Variants in NDUFA2 observed in about 807,000 individuals in gnomAD.
NDUFA2 encodes the protein NADH dehydrogenase [ubiquinone] 1 alpha subcomplex subunit 2.
In NDUFA2, 9 loss-of-function variants were observed where a neutral mutation model predicts 11.4. That is an observed-to-expected ratio of 0.79 (90% confidence interval 0.48 to 1.38). The LOEUF (loss-of-function observed/expected upper bound fraction) is 1.38, where lower values mean the gene tolerates loss of function less well. Ranked by LOEUF, NDUFA2 falls within the 40% of genes most tolerant of loss-of-function variation. NDUFA2 has a pLI of 0.00. For missense variants in NDUFA2, 150 were observed against 131.2 expected (o/e 1.14, Z -0.70); for synonymous variants, 49 against 54.0 (o/e 0.91, Z 0.41).
At chr5:140,646,564 C>T (rs1358668803) in intron 2 of NDUFA2, among the ~76,000 whole-genome samples, 1 of 152,144 alleles carries the variant, frequency 6.6e-6, no homozygotes, top group Non-Finnish European at 1.5e-5. Context: ...TAGTTAAAAG[C>T]TGTGATTAAA....
chr5:140,647,603 G>A lies in NDUFA2; in HGVS notation c.-20C>T. 2.5e-6 allele frequency: 4 copies of A among 1,606,066 alleles called. No individual in the cohort carries two copies. Among genetic ancestry groups the A allele is most frequent in the Non-Finnish European group, 3.4e-6 (4 of 1,179,012 alleles). Reference sequence around the variant, plus strand: ...CGCCATCCTTGTTAATATCGAAGTCGCCAATTCCAGGTCTTCAGGCCAAGT... The same window carrying A: ...CGCCATCCTTGTTAATATCGAAGTCACCAATTCCAGGTCTTCAGGCCAAGT... On this transcript the variant is annotated 5_prime_UTR_variant, in exon 1 of 3. Coordinates refer to ENST00000252102, the MANE Select transcript of NDUFA2 (RefSeq NM_002488.5).
rs1337490210 is a variant in NDUFA2 at position 140,645,396 on chromosome 5, T to G, written c.*191A>C. The G allele has an allele frequency of 1.2e-6, 1 of 821,760 alleles. No individual in the cohort carries two copies. The highest frequency in any genetic ancestry group is 2.0e-6 in the Non-Finnish European group (1 of 496,136). The allele number at this position is 821,760 out of a possible 1,614,324, so 50.9% of individuals were successfully genotyped here. On this transcript the variant is annotated 3_prime_UTR_variant, in exon 3 of 3. Transcript: ENST00000252102. Reference sequence around the variant, plus strand: ...GATGAGACAGAATAAAGTTTTATTTTTATATTAAGCTACTTTGCCTCAGTG... The same window carrying G: ...GATGAGACAGAATAAAGTTTTATTTGTATATTAAGCTACTTTGCCTCAGTG...
chr5:140,647,088 A>C (rs765416062), intron 2 of NDUFA2, 168 bp downstream of exon 2: 2 of 778,276 alleles, frequency 2.6e-6, no homozygotes, highest in East Asian at 5.5e-5. Context: ...ACAACGCATC[A>C]TATAACCCTG....
At chr5:140,646,712 G>A (rs1415410779) in intron 2 of NDUFA2, among the ~76,000 whole-genome samples, 1 of 152,170 alleles carries the variant, frequency 6.6e-6, no homozygotes, top group African/African-American at 2.4e-5. Context: ...GGGAATAAAT[G>A]TAAAGGCTCA....
At chr5:140,645,715 C>T (rs1757353650) in intron 2 of NDUFA2, 37 bp from the exon 3 acceptor site, 1 of 1,614,092 alleles carries the variant, frequency 6.2e-7, no homozygotes, top group East Asian at 2.2e-5. Context: ...AACTATTCTG[C>T]ACCCTGGAGG....
At chr5:140,647,072 C>T in intron 2 of NDUFA2, 184 bp downstream of exon 2, 1 of 681,594 alleles carries the variant, frequency 1.5e-6, no homozygotes, top group Non-Finnish European at 2.3e-6. Context: ...TTATGTTGCC[C>T]GGAATACAAC....
Position 140,645,550 on chromosome 5 carries a change from G to A in NDUFA2, c.*37C>T. The A allele has an allele frequency of 6.2e-7, 1 of 1,612,982 alleles. No individual in the cohort carries two copies. ...TTATACTAAGTCCAGCAGAGCCCAG[G>A]CTCTGGGGCTGTTGCTCTTAATCCT... On this transcript the variant is annotated 3_prime_UTR_variant, in exon 3 of 3. Coordinates refer to ENST00000252102, the MANE Select transcript of NDUFA2 (RefSeq NM_002488.5).
rs766127050 is a variant in NDUFA2 at position 140,645,531 on chromosome 5, T to A, written c.*56A>T. 1 of 1,604,968 alleles carries A rather than the reference T, an allele frequency of 6.2e-7. No individual in the cohort carries two copies. The highest frequency in any genetic ancestry group is 8.5e-7 in the Non-Finnish European group (1 of 1,172,542). On this transcript the variant is annotated 3_prime_UTR_variant, in exon 3 of 3. Transcript: ENST00000252102. ...AGAACACATTTTTTTCACATTATAC[T>A]AAGTCCAGCAGAGCCCAGGCTCTGG...
At chr5:140,646,967 CTA>C in intron 2 of NDUFA2, 1 of 335,660 alleles carries the variant, frequency 3.0e-6, no homozygotes, top group Non-Finnish European at 5.5e-6. Context: ...TTTGGAGAAA[CTA>C]TATTGACTAA....
chr5:140,646,961 G>T (rs1757438705), intron 2 of NDUFA2: 2 of 316,030 alleles, frequency 6.3e-6, no homozygotes, highest in Non-Finnish European at 1.2e-5. Flanking sequence ...ACGTTATTTG[G>T]AGAAACTATA....
intron 1 of NDUFA2, 49 bp downstream of exon 1, chr5:140,647,434 G>A: frequency 6.2e-7 from 1 of 1,608,586 alleles, no homozygotes. Context: ...GGTCGAGGTC[G>A]TGACCCTGGC....
chr5:140,645,926 G>A (rs1255549039), intron 2 of NDUFA2, among the ~76,000 whole-genome samples: 4 of 152,082 alleles, frequency 2.6e-5, no homozygotes, highest in East Asian at 3.8e-4. Flanking sequence ...GGAAGCTTTC[G>A]GGGGCACTGT....
In NDUFA2 at chr5:140,647,554, G is replaced by A. The variant is rs757200194; in HGVS notation, c.30C>T (p.Val10=). The A allele has an allele frequency of 9.9e-6, 16 of 1,611,518 alleles. No individual in the cohort carries two copies. Among genetic ancestry groups the A allele is most frequent in the Admixed American group, 1.7e-5 (1 of 59,994 alleles). The change falls in exon 1 of 3, where the codon GTC becomes GTT. Residue 10 remains valine (V), a synonymous_variant. Coordinates refer to ENST00000252102, the MANE Select transcript of NDUFA2 (RefSeq NM_002488.5). MAAAAASRG[V]GAKLGLREIR... ...TCTCACGCAGGCCCAGCTTTGCCCC[G>A]ACTCCTCGACTTGCTGCGGCCGCCG...
At chr5:140,647,412 C>T (rs754726383) in intron 1 of NDUFA2, 50 bp from the exon 2 acceptor site, 2 of 1,610,716 alleles carry the variant, frequency 1.2e-6, no homozygotes, top group African/African-American at 1.3e-5. Context: ...GGGCTTCCCT[C>T]AACTTCAGGG....
At chr5:140,647,409 C>T (rs553292474) in intron 1 of NDUFA2, 47 bp from the exon 2 acceptor site, 1 of 1,610,882 alleles carries the variant, frequency 6.2e-7, no homozygotes, top group East Asian at 2.2e-5. Context: ...CGGGGGCTTC[C>T]CTCAACTTCA....
intron 2 of NDUFA2, among the ~76,000 whole-genome samples, chr5:140,646,415 AAGG>A (rs1381138080): frequency 1.3e-5 from 2 of 152,272 alleles, no homozygotes; most frequent in East Asian, 3.9e-4. Context: ...TGGCTTTTGG[AAGG>A]AGAAGCTTTT....
chr5:140,645,299 A>G lies in NDUFA2; in HGVS notation c.*288T>C, dbSNP rs1293580359. ...GACCAAAAGGGACTCAGTGTGGTCT[A>G]CTTACTCTGGGGCCCTAGAATCCCT... On this transcript the variant is annotated 3_prime_UTR_variant, in exon 3 of 3. Coordinates refer to ENST00000252102, the MANE Select transcript of NDUFA2 (RefSeq NM_002488.5). 22 of 716,730 alleles carry G rather than the reference A, an allele frequency of 3.1e-5. No homozygotes were observed. Among genetic ancestry groups the G allele is most frequent in the Non-Finnish European group, 5.3e-5 (22 of 413,770 alleles). The allele number at this position is 716,730 out of a possible 1,614,324, so 44.4% of individuals were successfully genotyped here. A position where few individuals can be genotyped will look rare whatever the true frequency, so the allele number is the denominator to read the frequency against.
In NDUFA2 at chr5:140,645,657, A is replaced by G; in HGVS notation, c.230T>C (p.Val77Ala). Reference protein sequence around the residue: ...ARYAFGQETNVPLNNFSADQV... With the variant: ...ARYAFGQETNAPLNNFSADQV... ...ATCAGCACTGAAGTTGTTCAAAGGG[A>G]CATTCGTCTCTTGGCCAAATGCTGA... Residue 77 changes from valine to alanine, a missense_variant, in exon 3 of 3, where the codon GTC becomes GCC. Physicochemically the swap from Val to Ala is moderately conservative, Grantham distance 64. Transcript: ENST00000252102. 10 of 1,614,168 alleles carry G rather than the reference A, an allele frequency of 6.2e-6. No individual in the cohort carries two copies. The highest frequency in any genetic ancestry group is 8.5e-6 in the Non-Finnish European group (10 of 1,180,016).
At position 140,645,522 on chromosome 5, in the gene NDUFA2, A is replaced by C. The variant is rs762787583; in HGVS notation, c.*65T>G. ...AGGAATAGGAGAACACATTTTTTTC[A>C]CATTATACTAAGTCCAGCAGAGCCC... On this transcript the variant is annotated 3_prime_UTR_variant, in exon 3 of 3. Coordinates refer to ENST00000252102, the MANE Select transcript of NDUFA2 (RefSeq NM_002488.5). The C allele has an allele frequency of 1.3e-6, 2 of 1,595,036 alleles. No homozygotes were observed. The highest frequency in any genetic ancestry group is 1.7e-6 in the Non-Finnish European group (2 of 1,164,658).
Sources: gnomAD v4.1 joint callset for allele counts (sites outside exome capture counted in the v4.1 genomes callset) on GRCh38, gnomAD v4.1.1 for gene constraint, MANE v1.5 for transcripts, NCBI Gene and HGNC (gene_info 2026-07-23, HGNC 2026-07-21) for gene names.